Variants in VPS13B observed in about 807,000 individuals in gnomAD.
The protein encoded by VPS13B is intermembrane lipid transfer protein VPS13B.
In VPS13B, 285 loss-of-function variants were observed where a neutral mutation model predicts 426.4. That is an observed-to-expected ratio of 0.67 (90% CI 0.61 to 0.74). The LOEUF (loss-of-function observed/expected upper bound fraction) is 0.74. Ranked by LOEUF, VPS13B falls within the 30% of genes least tolerant of loss-of-function variation. VPS13B has a pLI of 0.00. For synonymous variants in VPS13B, 1,676 were observed against 1,676.4 expected (o/e 1.00, Z 0.01); for missense variants, 4,537 against 4,782.6 (o/e 0.95, Z 1.51).
chr8:99,291,856 G>C (rs1168163680), intron 19 of VPS13B, among the ~76,000 whole-genome samples: 1 of 151,978 alleles, frequency 6.6e-6, no homozygotes, highest in Non-Finnish European at 1.5e-5. Context: ...ATTGGATGAA[G>C]ACAATATTCC....
intron 30 of VPS13B, among the ~76,000 whole-genome samples, chr8:99,527,538 T>C (rs1161075344): frequency 6.6e-6 from 1 of 152,092 alleles, no homozygotes; most frequent in African/African-American, 2.4e-5. Context: ...TCCTATTCTG[T>C]GATGTGTTCA....
chr8:99,183,166 T>C (rs760190536), intron 16 of VPS13B, among the ~76,000 whole-genome samples: 36 of 152,224 alleles, frequency 2.4e-4, no homozygotes, highest in Non-Finnish European at 4.6e-4. Context: ...CAAAGATATG[T>C]CACATTTACA....
intron 19 of VPS13B, among the ~76,000 whole-genome samples, chr8:99,375,767 A>G (rs944409549): frequency 2.6e-5 from 4 of 152,244 alleles, no homozygotes; most frequent in Non-Finnish European, 4.4e-5. Flanking sequence ...GAGCTATACA[A>G]ATCTACAAAT....
chr8:99,544,469 T>TA (rs942729200), intron 30 of VPS13B, among the ~76,000 whole-genome samples: 1 of 151,888 alleles, frequency 6.6e-6, no homozygotes, highest in Non-Finnish European at 1.5e-5. Context: ...ATAATAATAA[T>TA]AAAAAAAATT....
chr8:99,808,506 C>G (rs1201693755), intron 43 of VPS13B, among the ~76,000 whole-genome samples: 1 of 118,436 alleles, frequency 8.4e-6, no homozygotes, highest in East Asian at 2.4e-4. Context: ...CAGAGCGAGA[C>G]TCAAAAAAAA....
chr8:99,833,409 G>A (rs1815196948), intron 52 of VPS13B, among the ~76,000 whole-genome samples: 2 of 152,194 alleles, frequency 1.3e-5, no homozygotes, highest in Admixed American at 6.5e-5. Flanking sequence ...TTATGAATTT[G>A]TAGACTTTAT....
chr8:99,641,969 C>T lies in VPS13B; in HGVS notation c.5379C>T (p.Arg1793=). 3 of 1,614,108 alleles carry T rather than the reference C, an allele frequency of 1.9e-6. No individual in the cohort carries two copies. In the South Asian group the frequency reaches 3.3e-5, roughly 18 times the overall value. ...AGCACAGTGGTGCCAGTCAGCATCGCATTGCCCGTCCCTCACGCCAGTCAT... is the reference window on the plus strand; with the variant it reads ...AGCACAGTGGTGCCAGTCAGCATCGTATTGCCCGTCCCTCACGCCAGTCAT... The part of the protein sequence containing the change: ...IEQHSGASQH[R]IARPSRQSSI... The change falls in exon 34 of 62, where the codon CGC becomes CGT. Residue 1793 remains arginine, a synonymous_variant. Transcript: ENST00000357162.
intron 17 of VPS13B, among the ~76,000 whole-genome samples, chr8:99,272,732 G>T (rs184749112): frequency 8.5e-5 from 13 of 152,160 alleles, no homozygotes; most frequent in Admixed American, 4.6e-4. Context: ...ACATAATAAA[G>T]ATGTTAATAT....
At chr8:99,432,762 G>GT (rs1817181105) in intron 22 of VPS13B, among the ~76,000 whole-genome samples, 1 of 152,082 alleles carries the variant, frequency 6.6e-6, no homozygotes, top group African/African-American at 2.4e-5. Flanking sequence ...ATATTGGAGA[G>GT]TTTTTTCTTG....
At chr8:99,019,065 T>C (rs903380391) in intron 2 of VPS13B, among the ~76,000 whole-genome samples, 3 of 152,158 alleles carry the variant, frequency 2.0e-5, no homozygotes, top group Non-Finnish European at 4.4e-5. Context: ...GAATGTCATA[T>C]ATATATATTG....
intron 33 of VPS13B, among the ~76,000 whole-genome samples, chr8:99,623,928 T>C (rs936733404): frequency 1.3e-5 from 2 of 150,996 alleles, no homozygotes; most frequent in African/African-American, 2.4e-5. Flanking sequence ...GCAATAGTAA[T>C]GTGAAAGGGG....
intron 19 of VPS13B, among the ~76,000 whole-genome samples, chr8:99,317,560 T>A (rs952930020): frequency 9.2e-5 from 14 of 152,300 alleles, no homozygotes; most frequent in African/African-American, 3.1e-4. Context: ...TTTTATTTTT[T>A]AATAAATTAT....
intron 3 of VPS13B, among the ~76,000 whole-genome samples, chr8:99,084,347 C>A (rs1049771097): frequency 2.0e-5 from 3 of 151,956 alleles, no homozygotes; most frequent in African/African-American, 7.2e-5. Context: ...TCTCTCTTTT[C>A]TTCTTTATTA....
At chr8:99,691,653 G>GC (rs1831672325) in intron 35 of VPS13B, among the ~76,000 whole-genome samples, 1 of 149,310 alleles carries the variant, frequency 6.7e-6, no homozygotes. Context: ...AAAATCACCA[G>GC]CTAACATCAT....
At chr8:99,079,198 C>T (rs541620681) in intron 3 of VPS13B, among the ~76,000 whole-genome samples, 46 of 151,822 alleles carry the variant, frequency 3.0e-4, no homozygotes, top group South Asian at 8.3e-4. Flanking sequence ...ATGGCAGTAG[C>T]GGTGGGTTGG....
chr8:99,360,525 T>C (rs1812504634), intron 19 of VPS13B, among the ~76,000 whole-genome samples: 1 of 151,594 alleles, frequency 6.6e-6, no homozygotes, highest in Admixed American at 6.6e-5. Context: ...GACCCGCCCG[T>C]CTCGGCCTCC....
At chr8:99,864,578 G>A (rs953854281) in intron 58 of VPS13B, among the ~76,000 whole-genome samples, 1 of 152,076 alleles carries the variant, frequency 6.6e-6, no homozygotes, top group Admixed American at 6.6e-5. Flanking sequence ...AATAATAATA[G>A]TTTTAAACCC....
chr8:99,691,648 C>A (rs199595936), intron 35 of VPS13B, among the ~76,000 whole-genome samples: 20 of 149,994 alleles, frequency 1.3e-4, no homozygotes, highest in African/African-American at 4.2e-4. Flanking sequence ...CGAGCAAAAT[C>A]ACCAGCTAAC....
intron 43 of VPS13B, among the ~76,000 whole-genome samples, chr8:99,793,837 A>T (rs1812679730): frequency 6.6e-6 from 1 of 152,226 alleles, no homozygotes; most frequent in South Asian, 2.1e-4. Flanking sequence ...TTTCACTCCT[A>T]AGGTTTGATA....
Sources: gnomAD v4.1 joint callset for allele counts (sites outside exome capture counted in the v4.1 genomes callset) on GRCh38, gnomAD v4.1.1 for gene constraint, MANE v1.5 for transcripts, NCBI Gene and HGNC (gene_info 2026-07-23, HGNC 2026-07-21) for gene names.